The following FBXO16 variants were observed in gnomAD, a reference collection of about 807,000 sequenced individuals.
The protein encoded by FBXO16 is F-box protein 16.
FBXO16 carries 31 observed loss-of-function variants against 41.0 expected under a neutral mutation model. That is an observed-to-expected ratio of 0.76 (90% CI 0.57 to 1.02). The LOEUF is 1.02. Ranked by LOEUF, FBXO16 falls within the 50% of genes least tolerant of loss-of-function variation. FBXO16 has a pLI of 0.00. For synonymous variants in FBXO16, 133 were observed against 117.8 expected (o/e 1.13, Z -0.84); for missense variants, 361 against 346.2 (o/e 1.04, Z -0.34).
chr8:28,480,144 T>A (rs1803488529), intron 2 of FBXO16, among the ~76,000 whole-genome samples: 1 of 151,862 alleles, frequency 6.6e-6, no homozygotes, highest in African/African-American at 2.4e-5. Flanking sequence ...GGTCCGTCTA[T>A]TTTTTTTCTC....
Position 28,483,393 on chromosome 8 carries a change from C to T in FBXO16, c.54G>A (p.Lys18=), listed in dbSNP as rs777881935. The part of the protein sequence containing the change: ...KNTDGPKMQT[K]MSTWTPLNHQ... ...GGTTTAGGGGTGTCCAGGTGCTCATCTTTGTCTGCATTTTGGGACCATCTG... is the reference window on the plus strand; with the variant it reads ...GGTTTAGGGGTGTCCAGGTGCTCATTTTTGTCTGCATTTTGGGACCATCTG... The change falls in exon 2 of 9, where the codon AAG becomes AAA. Residue 18 remains lysine, a synonymous_variant. Coordinates refer to ENST00000380254, the MANE Select transcript of FBXO16 (RefSeq NM_172366.4). The T allele has an allele frequency of 9.3e-6, 15 of 1,614,142 alleles. No homozygotes were observed. The highest frequency in any genetic ancestry group is 1.2e-5 in the Non-Finnish European group (14 of 1,180,024).
intron 7 of FBXO16, among the ~76,000 whole-genome samples, chr8:28,438,393 T>A (rs998687445): frequency 6.6e-6 from 1 of 151,922 alleles, no homozygotes; most frequent in Admixed American, 6.6e-5. Context: ...AGAAGAGAAA[T>A]GGGGACGGTC....
intron 5 of FBXO16, among the ~76,000 whole-genome samples, chr8:28,455,180 A>C (rs1353166913): frequency 6.6e-6 from 1 of 150,550 alleles, no homozygotes; most frequent in Admixed American, 6.6e-5. Flanking sequence ...GGTTCAAGTG[A>C]TCCTCCTGCC....
rs530468920 is a variant in FBXO16 at position 28,437,564 on chromosome 8, G to C, written c.844-8161C>G. On this transcript the variant is annotated intron_variant, in intron 7 of 8. Transcript: ENST00000380254. Reference sequence around the variant, plus strand: ...CAACACACATGCATTCTTCAGTCTAGGAGCATGGAGTAAGAAACAAAACAC... The same window carrying C: ...CAACACACATGCATTCTTCAGTCTACGAGCATGGAGTAAGAAACAAAACAC... Among the ~76,000 whole-genome samples the C allele has an allele frequency of 2.6e-5, 4 of 152,296 alleles. No individual in the cohort carries two copies. In the South Asian group the frequency reaches 6.2e-4, roughly 24 times the overall value.
At chr8:28,434,808 G>T (rs1035193419) in intron 7 of FBXO16, among the ~76,000 whole-genome samples, 3 of 152,220 alleles carry the variant, frequency 2.0e-5, no homozygotes, top group African/African-American at 7.2e-5. Flanking sequence ...GGACCCAGTC[G>T]GCCGCTCTAA....
intron 6 of FBXO16, among the ~76,000 whole-genome samples, chr8:28,450,871 G>A (rs940117595): frequency 1.3e-5 from 2 of 152,062 alleles, no homozygotes; most frequent in Non-Finnish European, 2.9e-5. Context: ...GAGTCTGATC[G>A]CTTGAGTCTG....
chr8:28,441,639 G>T (rs1802776809), intron 7 of FBXO16, among the ~76,000 whole-genome samples: 1 of 151,354 alleles, frequency 6.6e-6, no homozygotes, highest in Non-Finnish European at 1.5e-5. Context: ...AGGAGGCTGA[G>T]GCAGGAGAAT....
intron 3 of FBXO16, among the ~76,000 whole-genome samples, chr8:28,471,952 G>A (rs927143331): frequency 5.3e-5 from 8 of 152,056 alleles, no homozygotes; most frequent in African/African-American, 1.9e-4. Context: ...ATCTTGTTAG[G>A]TAAAAACATA....
At chr8:28,482,536 G>A (rs898238089) in intron 2 of FBXO16, among the ~76,000 whole-genome samples, 2 of 152,014 alleles carry the variant, frequency 1.3e-5, no homozygotes, top group Non-Finnish European at 2.9e-5. Context: ...TTCCCAGAGT[G>A]CAGGTGGAAA....
Position 28,443,987 on chromosome 8 carries a change from G to A in FBXO16, c.843+3184C>T, listed in dbSNP as rs1388836427. ...TAAAAATCGGCAACCAGCAGCCCTC[G>A]GGGCTGCTCTGTCTATGGAGTAGCC... On this transcript the variant is annotated intron_variant, in intron 7 of 8. Transcript: ENST00000380254. Among the ~76,000 whole-genome samples the A allele has an allele frequency of 4.6e-5, 7 of 152,200 alleles. No homozygotes were observed. In the East Asian group the frequency reaches 9.7e-4, roughly 21 times the overall value.
intron 3 of FBXO16, among the ~76,000 whole-genome samples, chr8:28,471,225 T>C (rs1013907044): frequency 1.2e-4 from 18 of 152,330 alleles, no homozygotes; most frequent in African/African-American, 4.3e-4. Context: ...AATATAAAAA[T>C]ACTTCCGGAC....
chr8:28,476,607 A>G (rs1803427091), intron 2 of FBXO16, among the ~76,000 whole-genome samples: 2 of 152,198 alleles, frequency 1.3e-5, no homozygotes, highest in Non-Finnish European at 2.9e-5. Flanking sequence ...CAGTCTGTTT[A>G]TATCACAGTT....
At chr8:28,468,664 TC>T (rs1803283507) in intron 3 of FBXO16, among the ~76,000 whole-genome samples, 1 of 151,624 alleles carries the variant, frequency 6.6e-6, no homozygotes, top group African/African-American at 2.4e-5. Context: ...CATTGCGAGA[TC>T]CTGTTTCTTA....
intron 7 of FBXO16, among the ~76,000 whole-genome samples, chr8:28,439,791 G>A (rs2130092954): frequency 6.6e-6 from 1 of 152,036 alleles, no homozygotes; most frequent in South Asian, 2.1e-4. Context: ...CCCAACACCT[G>A]AGAAGTGCAT....
chr8:28,454,725 CTT>C (rs1803010788), intron 5 of FBXO16, among the ~76,000 whole-genome samples: 1 of 100,898 alleles, frequency 9.9e-6, no homozygotes, highest in Non-Finnish European at 1.9e-5. Flanking sequence ...AAGACTCCGT[CTT>C]AAAAAAAAAA....
chr8:28,463,534 C>A, intron 4 of FBXO16, 78 bp downstream of exon 4: 1 of 1,445,992 alleles, frequency 6.9e-7, no homozygotes, highest in Admixed American at 1.9e-5. Context: ...CTGTGTTTCC[C>A]CTTAACTTCT....
chr8:28,475,848 G>A (rs982379573), intron 2 of FBXO16, among the ~76,000 whole-genome samples: 2 of 152,180 alleles, frequency 1.3e-5, no homozygotes, highest in African/African-American at 4.8e-5. Context: ...GAATTTTAGA[G>A]CTAAAATGAA....
rs749126084 is a variant in FBXO16, at chr8:28,463,671, C to A, written c.283G>T (p.Val95Leu). 6.2e-7 allele frequency: 1 copy of A among 1,614,206 alleles called. No individual in the cohort carries two copies. Among genetic ancestry groups the A allele is most frequent in the Non-Finnish European group, 8.5e-7 (1 of 1,180,034 alleles). Residue 95 changes from valine to leucine, a missense_variant, in exon 4 of 9, where the codon GTG (valine) becomes TTG (leucine). Transcript: ENST00000380254. ...ALDFTTKLPR[V>L]LSLYIFSFLD... ...AAAGAAAAGATGTATAAAGATAACA[C>A]CCTTGGAAGCTTGGTTGTAAAGTCC... is the stretch of plus-strand genomic sequence containing the variant.
At chr8:28,463,348 G>A (rs149518026) in intron 4 of FBXO16, among the ~76,000 whole-genome samples, 40 of 151,292 alleles carry the variant, frequency 2.6e-4, no homozygotes, top group African/African-American at 9.7e-4. Flanking sequence ...GTGTATATTT[G>A]TGTTTGTGTA....
Sources: allele counts gnomAD v4.1 joint callset (sites outside exome capture counted in the v4.1 genomes callset), GRCh38; gene constraint gnomAD v4.1.1; transcripts MANE v1.5; gene names NCBI Gene and HGNC (gene_info 2026-07-23, HGNC 2026-07-21).